WDR70: variants seen among roughly 807,000 people sequenced by gnomAD.
WDR70 encodes WD repeat domain 70, also known as WD repeat-containing protein 70.
In WDR70, 53 loss-of-function variants were observed where a neutral mutation model predicts 88.6. That is an observed-to-expected ratio of 0.60 (90% CI 0.48 to 0.75). The LOEUF (loss-of-function observed/expected upper bound fraction) is 0.75. WDR70 is among the 30% of genes least tolerant of loss of function. The pLI is 0.00. For synonymous variants in WDR70, 280 were observed against 270.0 expected, an observed-to-expected ratio of 1.04 and a Z score of -0.36; for missense variants, 610 against 823.2, an observed-to-expected ratio of 0.74 and a Z score of 3.17.
rs374197462 is a variant in WDR70 at position 37,461,742 on chromosome 5, C to T, written c.687-18092C>T. Reference sequence around the variant, plus strand: ...TCATGATCTGCCTGCCTCGGCCTCCCAAAGTGCTGGGATTACAGGCGTGAG... The same window carrying T: ...TCATGATCTGCCTGCCTCGGCCTCCTAAAGTGCTGGGATTACAGGCGTGAG... On this transcript the variant is annotated intron_variant, in intron 7 of 17. Transcript: ENST00000265107. Among the ~76,000 whole-genome samples the T allele has an allele frequency of 7.9e-5, 12 of 152,008 alleles. No individual in the cohort carries two copies. In the South Asian group the frequency reaches 1.2e-3, roughly 16 times the overall value.
intron 5 of WDR70, among the ~76,000 whole-genome samples, chr5:37,415,759 C>T (rs1282538797): frequency 3.4e-5 from 5 of 148,328 alleles, no homozygotes; most frequent in Admixed American, 1.3e-4. Context: ...TCAGACGGGG[C>T]GGCTGCCGGG....
rs920347177 is a variant in WDR70, at chr5:37,676,834, G to A, written c.1093-20821G>A. Among the ~76,000 whole-genome samples the A allele has an allele frequency of 2.7e-4, 41 of 152,142 alleles. 1 individual carries two copies. On this transcript the variant is annotated intron_variant, in intron 10 of 17. Transcript: ENST00000265107. ...GTACCCGTTCCTCCTTCTACCTCTGGTAGAATTTGGCTGTGAATCCATCTG... is the reference window on the plus strand; with the variant it reads ...GTACCCGTTCCTCCTTCTACCTCTGATAGAATTTGGCTGTGAATCCATCTG...
intron 10 of WDR70, among the ~76,000 whole-genome samples, chr5:37,678,533 T>C (rs1434209176): frequency 6.6e-6 from 1 of 152,168 alleles, no homozygotes; most frequent in East Asian, 1.9e-4. Flanking sequence ...TGAAAATTCT[T>C]TTCTTTAAGA....
At chr5:37,623,585 T>G (rs939620989) in intron 10 of WDR70, among the ~76,000 whole-genome samples, 1 of 152,168 alleles carries the variant, frequency 6.6e-6, no homozygotes, top group Non-Finnish European at 1.5e-5. Flanking sequence ...TTTATACTAT[T>G]TCATAGAGCT....
intron 13 of WDR70, among the ~76,000 whole-genome samples, chr5:37,704,791 G>C (rs541138696): frequency 6.6e-6 from 1 of 152,122 alleles, no homozygotes; most frequent in Non-Finnish European, 1.5e-5. Context: ...TCGGTTAGGT[G>C]TGTCTTTGGA....
chr5:37,466,462 T>G (rs1434690250), intron 7 of WDR70, among the ~76,000 whole-genome samples: 5 of 152,214 alleles, frequency 3.3e-5, no homozygotes, highest in African/African-American at 1.2e-4. Context: ...ATCCCAGCAC[T>G]TTGGGAGGCC....
At chr5:37,633,626 G>C (rs1223686349) in intron 10 of WDR70, among the ~76,000 whole-genome samples, 1 of 152,036 alleles carries the variant, frequency 6.6e-6, no homozygotes, top group East Asian at 1.9e-4. Context: ...AAAGATACTT[G>C]AATGGAGCTT....
intron 9 of WDR70, among the ~76,000 whole-genome samples, chr5:37,600,814 T>TG: frequency 1.3e-5 from 2 of 151,990 alleles, no homozygotes; most frequent in East Asian, 3.9e-4. Context: ...TGTAAAAGGG[T>TG]ACAGCCACTC....
chr5:37,582,887 C>T (rs1263886200), intron 9 of WDR70, among the ~76,000 whole-genome samples: 1 of 152,184 alleles, frequency 6.6e-6, no homozygotes, highest in Non-Finnish European at 1.5e-5. Flanking sequence ...CGTAGCACTT[C>T]TTTAGGATGT....
intron 8 of WDR70, 105 bp downstream of exon 8, chr5:37,480,092 A>G: frequency 2.2e-6 from 3 of 1,359,842 alleles, no homozygotes; most frequent in Admixed American, 2.2e-5. Flanking sequence ...GTGTCATAAA[A>G]CAATAGCAAT....
chr5:37,471,948 G>A (rs776523661), intron 7 of WDR70, among the ~76,000 whole-genome samples: 48 of 151,718 alleles, frequency 3.2e-4, no homozygotes, highest in Non-Finnish European at 5.9e-4. Context: ...TAGAAGTGTT[G>A]AAAATAGGCT....
At chr5:37,661,337 A>G (rs1390141416) in intron 10 of WDR70, among the ~76,000 whole-genome samples, 2 of 152,160 alleles carry the variant, frequency 1.3e-5, no homozygotes, top group African/African-American at 4.8e-5. Context: ...GTGAAGGGAT[A>G]GGGTATAGGA....
chr5:37,676,570 C>A (rs1218453559), intron 10 of WDR70, among the ~76,000 whole-genome samples: 1 of 151,980 alleles, frequency 6.6e-6, no homozygotes, highest in Non-Finnish European at 1.5e-5. Flanking sequence ...AGCCTTGCAT[C>A]CCAGGGATGA....
chr5:37,394,768 T>C (rs887032699), intron 4 of WDR70, among the ~76,000 whole-genome samples: 2 of 152,164 alleles, frequency 1.3e-5, no homozygotes, highest in Non-Finnish European at 2.9e-5. Flanking sequence ...AAAGACCTTG[T>C]TGTGAACCAA....
chr5:37,571,207 C>T (rs73749068), intron 9 of WDR70, among the ~76,000 whole-genome samples: 2,316 of 152,230 alleles, frequency 0.015, 52 homozygotes, highest in African/African-American at 0.053. Context: ...TTCTAAGTAG[C>T]GCTGCCTATT....
At chr5:37,498,446 G>A (rs1740297001) in intron 8 of WDR70, among the ~76,000 whole-genome samples, 1 of 152,008 alleles carries the variant, frequency 6.6e-6, no homozygotes, top group Non-Finnish European at 1.5e-5. Context: ...TTTGTATTAT[G>A]CTTCTGCCTC....
At chr5:37,431,997 G>C (rs1750318399) in intron 5 of WDR70, among the ~76,000 whole-genome samples, 1 of 152,164 alleles carries the variant, frequency 6.6e-6, no homozygotes, top group South Asian at 2.1e-4. Flanking sequence ...TGGTTGTTGT[G>C]AATACTACTG....
At chr5:37,674,218 A>G (rs1746125012) in intron 10 of WDR70, among the ~76,000 whole-genome samples, 1 of 151,860 alleles carries the variant, frequency 6.6e-6, no homozygotes, top group African/African-American at 2.4e-5. Flanking sequence ...TGGTTGAACT[A>G]ATTTCCATTT....
intron 10 of WDR70, among the ~76,000 whole-genome samples, chr5:37,681,903 G>A (rs548987085): frequency 2.6e-5 from 4 of 151,992 alleles, no homozygotes; most frequent in African/African-American, 9.6e-5. Context: ...TTTTTGTTGT[G>A]TCTGTGCCAG....
Sources: allele counts gnomAD v4.1 joint callset (sites outside exome capture counted in the v4.1 genomes callset), GRCh38; gene constraint gnomAD v4.1.1; transcripts MANE v1.5; gene names NCBI Gene and HGNC (gene_info 2026-07-23, HGNC 2026-07-21).